The following CAST variants were observed in gnomAD, a reference collection of about 807,000 sequenced individuals.
CAST encodes calpastatin.
In CAST, 76 loss-of-function variants were observed where a neutral mutation model predicts 119.6. The ratio of observed to expected loss-of-function variants is 0.64; its 90% CI spans 0.53 to 0.77. The LOEUF is 0.77. Among genes scored for constraint, CAST ranks in the 30% least tolerant of loss-of-function variants. The probability of loss-of-function intolerance (pLI) is 0.00; values close to 1 mark genes in which losing one functional copy is unlikely to be tolerated. For synonymous variants in CAST, 319 were observed against 331.6 expected, an observed-to-expected ratio of 0.96 and a Z score of 0.41; for missense variants, 953 against 946.5, an observed-to-expected ratio of 1.01 and a Z score of -0.09.
At chr5:96,178,079 T>C in the CAST span, among the ~76,000 whole-genome samples, 1 of 152,194 alleles carries the variant, frequency 6.6e-6, no homozygotes, top group Admixed American at 6.5e-5. Flanking sequence ...ATCTCAAATA[T>C]ACATATCTGG....
chr5:96,196,727 T>C, the CAST span, among the ~76,000 whole-genome samples: 1 of 152,188 alleles, frequency 6.6e-6, no homozygotes, highest in African/African-American at 2.4e-5. Flanking sequence ...AAGGGCCAGA[T>C]AACGCAGGGT....
At chr5:96,424,054 T>A in the CAST span, among the ~76,000 whole-genome samples, 1 of 151,984 alleles carries the variant, frequency 6.6e-6, no homozygotes, top group Admixed American at 6.5e-5. Context: ...TTAAAATACA[T>A]TTTCTGATAG....
intron 1 of CAST, chr5:96,663,269 G>A: frequency 4.3e-6 from 3 of 700,532 alleles, no homozygotes; most frequent in Non-Finnish European, 5.2e-6. Flanking sequence ...GCGTTGTCCG[G>A]GGTTTGGCGG....
the CAST span, among the ~76,000 whole-genome samples, chr5:96,385,711 C>A: frequency 3.9e-5 from 6 of 152,174 alleles, no homozygotes; most frequent in African/African-American, 1.2e-4. Context: ...ATACTCTGTT[C>A]ATGGAGCAGA....
At chr5:96,590,476 C>G (rs945725340) in intron 1 of CAST, among the ~76,000 whole-genome samples, 2 of 152,144 alleles carry the variant, frequency 1.3e-5, no homozygotes, top group African/African-American at 2.4e-5. Flanking sequence ...TGGCCAGAAC[C>G]CCCCAGAGCA....
At chr5:96,751,803 T>C (rs1274448821) in intron 20 of CAST, among the ~76,000 whole-genome samples, 1 of 152,194 alleles carries the variant, frequency 6.6e-6, no homozygotes, top group Non-Finnish European at 1.5e-5. Flanking sequence ...TTTAGAGGGC[T>C]CAATTCCTTT....
chr5:96,766,012 A>T (rs762545731), intron 26 of CAST, 41 bp from the exon 27 acceptor site: 1 of 1,103,192 alleles, frequency 9.1e-7, no homozygotes, highest in Non-Finnish European at 1.4e-6. Context: ...TAAGTGAAAG[A>T]GGAAATGAAT....
chr5:96,065,208 T>C, the CAST span, among the ~76,000 whole-genome samples: 1 of 152,118 alleles, frequency 6.6e-6, no homozygotes, highest in African/African-American at 2.4e-5. Flanking sequence ...TATCATTATT[T>C]CTTAAAACTT....
At chr5:96,633,737 A>G (rs889081414) in intron 1 of CAST, among the ~76,000 whole-genome samples, 1 of 152,240 alleles carries the variant, frequency 6.6e-6, no homozygotes, top group Non-Finnish European at 1.5e-5. Context: ...CAAAGTGTGA[A>G]CAGAAATAGC....
At chr5:96,497,712 GT>G in the CAST span, among the ~76,000 whole-genome samples, 1 of 152,068 alleles carries the variant, frequency 6.6e-6, no homozygotes, top group East Asian at 1.9e-4. Context: ...GGGGCTGTTT[GT>G]TTTTTCCTTG....
the CAST span, among the ~76,000 whole-genome samples, chr5:96,451,689 C>G: frequency 6.6e-6 from 1 of 152,178 alleles, no homozygotes; most frequent in East Asian, 1.9e-4. Flanking sequence ...AAGAAACTAT[C>G]ATCAGAGTGA....
chr5:96,425,928 C>A, the CAST span: 1 of 1,589,944 alleles, frequency 6.3e-7, no homozygotes, highest in African/African-American at 1.3e-5. Flanking sequence ...CAGCCCATAT[C>A]ACCTACAAGG....
intron 5 of CAST, 22 bp from the exon 6 acceptor site, chr5:96,727,465 TTC>T (rs1372345652): frequency 7.2e-7 from 1 of 1,393,932 alleles, no homozygotes. Context: ...CTTCCTTTTT[TTC>T]TTTCTTTTTT....
chr5:96,023,314 C>A, the CAST span, among the ~76,000 whole-genome samples: 15 of 152,152 alleles, frequency 9.9e-5, no homozygotes, highest in Non-Finnish European at 1.6e-4. Context: ...TCTGTGGGGT[C>A]AGGGTGAAAG....
chr5:96,269,597 A>G, the CAST span, among the ~76,000 whole-genome samples: 2 of 152,208 alleles, frequency 1.3e-5, no homozygotes, highest in Non-Finnish European at 2.9e-5. Context: ...AGCCACAGAA[A>G]CACAGACAAT....
the CAST span, among the ~76,000 whole-genome samples, chr5:96,229,380 G>A: frequency 6.6e-6 from 1 of 151,760 alleles, no homozygotes; most frequent in East Asian, 1.9e-4. Context: ...CATCAACAAT[G>A]CCTTTCAGAA....
the CAST span, among the ~76,000 whole-genome samples, chr5:95,978,228 C>T: frequency 6.6e-5 from 10 of 152,178 alleles, no homozygotes; most frequent in Non-Finnish European, 1.3e-4. Flanking sequence ...CTCCACACTG[C>T]TTTCCACAAT....
chr5:96,484,705 C>T, the CAST span, among the ~76,000 whole-genome samples: 1 of 152,098 alleles, frequency 6.6e-6, no homozygotes, highest in African/African-American at 2.4e-5. Flanking sequence ...TCTTGAAACA[C>T]TCTGCAGTTG....
the CAST span, among the ~76,000 whole-genome samples, chr5:96,477,498 A>G: frequency 6.6e-6 from 1 of 152,230 alleles, no homozygotes; most frequent in Non-Finnish European, 1.5e-5. Context: ...TGCTTTAACA[A>G]AACATTGTTA....
Sources: gnomAD v4.1 joint callset for allele counts (sites outside exome capture counted in the v4.1 genomes callset) on GRCh38, gnomAD v4.1.1 for gene constraint, MANE v1.5 for transcripts, NCBI Gene and HGNC (gene_info 2026-07-23, HGNC 2026-07-21) for gene names.